ATAD2B: variants seen among roughly 807,000 people sequenced by gnomAD.
The protein encoded by ATAD2B is ATPase family AAA domain containing 2B.
In ATAD2B, 40 loss-of-function variants were observed where a neutral mutation model predicts 167.6. The observed-to-expected ratio is 0.24, with a 90% confidence interval of 0.19 to 0.31. ATAD2B has a LOEUF of 0.31. ATAD2B is among the 10% of genes least tolerant of loss of function. The pLI is 1.00. For missense variants in ATAD2B, 1,242 were observed against 1,757.2 expected, an observed-to-expected ratio of 0.71 and a Z score of 5.24; for synonymous variants, 579 against 596.5, an observed-to-expected ratio of 0.97 and a Z score of 0.43.
chr2:23,918,338 T>C (rs1703381579), intron 1 of ATAD2B, among the ~76,000 whole-genome samples: 2 of 151,758 alleles, frequency 1.3e-5, no homozygotes, highest in South Asian at 4.2e-4. Flanking sequence ...ACTACTGCAC[T>C]CCAGCCTGAG....
intron 1 of ATAD2B, among the ~76,000 whole-genome samples, chr2:23,924,913 T>A (rs1418907290): frequency 6.6e-5 from 10 of 152,160 alleles, no homozygotes; most frequent in African/African-American, 2.4e-4. Flanking sequence ...CAGCATGATA[T>A]CCATGAATTC....
At chr2:23,793,277 T>C (rs1253082345) in intron 19 of ATAD2B, among the ~76,000 whole-genome samples, 4 of 152,232 alleles carry the variant, frequency 2.6e-5, no homozygotes, top group African/African-American at 9.6e-5. Flanking sequence ...TCCAATATAC[T>C]GAATTATATA....
chr2:23,816,031 CT>C (rs1328551261), intron 17 of ATAD2B, among the ~76,000 whole-genome samples: 1 of 152,116 alleles, frequency 6.6e-6, no homozygotes, highest in Admixed American at 6.5e-5. Context: ...ATGATGGGCA[CT>C]TTTACAAAAC....
At chr2:23,807,969 T>TATATAAATATTTATAATATA (rs1558569017) in intron 18 of ATAD2B, among the ~76,000 whole-genome samples, 1 of 114,526 alleles carries the variant, frequency 8.7e-6, no homozygotes, top group Non-Finnish European at 1.8e-5. Flanking sequence ...AATATATATA[T>TATATAAATATTTATAATATA]TATAAATATA....
intron 4 of ATAD2B, 56 bp downstream of exon 4, chr2:23,887,776 A>T: frequency 7.1e-7 from 1 of 1,416,522 alleles, no homozygotes; most frequent in South Asian, 1.5e-5. Flanking sequence ...TTTAAAACGT[A>T]ACTGTCTTAA....
the ATAD2B span, among the ~76,000 whole-genome samples, chr2:23,711,121 T>C: frequency 2.0e-5 from 3 of 152,278 alleles, no homozygotes; most frequent in East Asian, 5.8e-4. Flanking sequence ...TATAAAGATA[T>C]ATAAGATATA....
chr2:23,926,215 T>C (rs1558819853), intron 1 of ATAD2B, among the ~76,000 whole-genome samples: 1 of 152,196 alleles, frequency 6.6e-6, no homozygotes. Context: ...CCAGGGGCTC[T>C]GGCCCTTCGC....
At chr2:23,823,888 G>A (rs1240765129) in intron 15 of ATAD2B, among the ~76,000 whole-genome samples, 1 of 151,422 alleles carries the variant, frequency 6.6e-6, no homozygotes, top group Admixed American at 6.6e-5. Context: ...CAAAAGCCAT[G>A]TATTATGTGA....
chr2:23,834,318 C>T (rs186877316), intron 13 of ATAD2B, among the ~76,000 whole-genome samples: 12 of 151,928 alleles, frequency 7.9e-5, no homozygotes, highest in South Asian at 4.2e-4. Context: ...CACGCCACCA[C>T]GCCCAGCTAA....
the ATAD2B span, among the ~76,000 whole-genome samples, chr2:23,683,717 G>A: frequency 6.6e-6 from 1 of 152,240 alleles, no homozygotes; most frequent in South Asian, 2.1e-4. Context: ...AGCCCCAGGA[G>A]AGGGTGGGTG....
At chr2:23,738,973 A>G in the ATAD2B span, among the ~76,000 whole-genome samples, 1 of 152,238 alleles carries the variant, frequency 6.6e-6, no homozygotes, top group African/African-American at 2.4e-5. Flanking sequence ...ATAATGATAA[A>G]GGGATCAATT....
intron 12 of ATAD2B, among the ~76,000 whole-genome samples, chr2:23,862,565 T>C (rs1470593935): frequency 6.6e-6 from 1 of 152,136 alleles, no homozygotes; most frequent in Non-Finnish European, 1.5e-5. Flanking sequence ...CGTCAGCCAC[T>C]GTGCCCAGCT....
At chr2:23,911,217 G>A (rs1420908973) in intron 1 of ATAD2B, among the ~76,000 whole-genome samples, 3 of 147,316 alleles carry the variant, frequency 2.0e-5, no homozygotes, top group East Asian at 4.0e-4. Context: ...GCGAAACTCC[G>A]TCTGGAAAAA....
rs3030816 is a variant in ATAD2B at position 23,805,795 on chromosome 2, T to TAAAAAAAAAAAAA, written c.2454+4508_2454+4520dup. 6.2e-3 allele frequency among the ~76,000 whole-genome samples: 626 copies of TAAAAAAAAAAAAA among 100,720 alleles called. 11 individuals carry two copies. The highest frequency in any genetic ancestry group is 0.01 in the East Asian group (21 of 2,092). The allele number at this position is 100,720 out of a possible 152,430, so 66.1% of individuals were successfully genotyped here. A position where few individuals can be genotyped will look rare whatever the true frequency, so the allele number is the denominator to read the frequency against. ...ATCTCCAAATGGCATTATCAAGCTT[T>TAAAAAAAAAAAAA]AAAAAAAAAAAAACAAATCTGATAC... On this transcript the variant is annotated intron_variant, in intron 18 of 27. Transcript: ENST00000238789.
At chr2:23,857,035 C>T (rs1479462451) in intron 13 of ATAD2B, among the ~76,000 whole-genome samples, 1 of 151,252 alleles carries the variant, frequency 6.6e-6, no homozygotes, top group Non-Finnish European at 1.5e-5. Context: ...AGAGCAAGAA[C>T]TCGTCTCTAA....
At chr2:23,817,128 T>C (rs1004247861) in intron 17 of ATAD2B, among the ~76,000 whole-genome samples, 3 of 152,324 alleles carry the variant, frequency 2.0e-5, no homozygotes, top group Admixed American at 2.0e-4. Context: ...AGTGTATGCT[T>C]CTTGGAGAGT....
In ATAD2B at chr2:23,781,341, T is replaced by A. The variant is rs550484470; in HGVS notation, c.3133+1528A>T. The stretch of plus-strand genomic sequence containing the variant: ...ATTGTCCTGACCACAAAAAAATAAA[T>A]AAATAAATAAATAAATAAATAAATA... On this transcript the variant is annotated intron_variant, in intron 22 of 27. Transcript: ENST00000238789. Among the ~76,000 whole-genome samples the A allele has an allele frequency of 1.6e-4, 20 of 122,690 alleles. 1 individual carries two copies. The East Asian group carries it at 2.6e-3, about 16-fold the overall frequency. The allele number at this position is 122,690 out of a possible 152,430, so 80.5% of individuals were successfully genotyped here.
intron 7 of ATAD2B, among the ~76,000 whole-genome samples, chr2:23,878,024 A>AAAAAAAAAAAAAAAAAAAAAAAAC (rs1697234353): frequency 7.0e-6 from 1 of 143,516 alleles, no homozygotes; most frequent in East Asian, 2.1e-4. Flanking sequence ...GAAAAAAAAA[A>AAAAAAAAAAAAAAAAAAAAAAAAC]AAAAAAAAAA....
rs1488296243 is a variant in ATAD2B, at chr2:23,885,717, A to C, written c.675+10T>G. 6.7e-7 allele frequency: 1 copy of C among 1,492,140 alleles called. No homozygotes were observed. Among genetic ancestry groups the C allele is most frequent in the Admixed American group, 1.9e-5 (1 of 52,996 alleles). The allele number at this position is 1,492,140 out of a possible 1,614,324, so 92.4% of individuals were successfully genotyped here. On this transcript the variant is annotated intron_variant, in intron 5 of 27. Transcript: ENST00000238789. ...ATATTTACAAAGATTGCTACAGCTA[A>C]TATACTCACAAATTCTGTATCTGTC...
Sources: allele counts gnomAD v4.1 joint callset (sites outside exome capture counted in the v4.1 genomes callset), GRCh38; gene constraint gnomAD v4.1.1; transcripts MANE v1.5; gene names NCBI Gene and HGNC (gene_info 2026-07-23, HGNC 2026-07-21).